Variants in GLOD4 observed in about 807,000 individuals in gnomAD.
GLOD4 encodes glyoxalase domain-containing protein 4.
A neutral mutation model predicts 39.1 loss-of-function variants in GLOD4; 44 were observed. The ratio of observed to expected loss-of-function variants is 1.13; its 90% CI spans 0.88 to 1.45. GLOD4 has a LOEUF of 1.45. Ranked by LOEUF, GLOD4 falls within the 40% of genes most tolerant of loss-of-function variation. The pLI, the probability that GLOD4 is intolerant of heterozygous loss-of-function variation, is 0.00. For synonymous variants in GLOD4, 145 were observed against 135.0 expected (o/e 1.07, Z -0.52); for missense variants, 405 against 366.4 (o/e 1.11, Z -0.86).
At chr17:775,056 C>T (rs1213662894) in intron 4 of GLOD4, among the ~76,000 whole-genome samples, 1 of 144,156 alleles carries the variant, frequency 6.9e-6, no homozygotes, top group Non-Finnish European at 1.5e-5. Context: ...GGCGACAGAG[C>T]AAGACTCCGT....
upstream of GLOD4, chr17:782,668 C>G: frequency 6.2e-7 from 1 of 1,606,976 alleles, no homozygotes; most frequent in South Asian, 1.1e-5. Flanking sequence ...TACGATAAAG[C>G]TTATCCCGGG....
chr17:772,806 T>C lies in GLOD4; in HGVS notation c.407-1345A>G, dbSNP rs1382305970. On this transcript the variant is annotated intron_variant, in intron 4 of 8. Transcript: ENST00000301329. ...GTCAGGAGATAGAGACCATCCTGGC[T>C]AACACGGTGAAACCCCGTCTCTACT... 3.9e-5 allele frequency among the ~76,000 whole-genome samples: 6 copies of C among 152,108 alleles called. No individual in the cohort carries two copies. In the East Asian group the frequency reaches 9.7e-4, roughly 24 times the overall value.
intron 4 of GLOD4, among the ~76,000 whole-genome samples, chr17:772,765 G>A (rs547791938): frequency 3.9e-5 from 6 of 152,190 alleles, no homozygotes; most frequent in Non-Finnish European, 8.8e-5. Flanking sequence ...GGAGGCTGAG[G>A]TGGCAGGATC....
chr17:783,258 A>C, upstream of GLOD4: 5 of 1,614,100 alleles, frequency 3.1e-6, no homozygotes, highest in Non-Finnish European at 4.2e-6. Flanking sequence ...GAAAGGTGTC[A>C]GCCTCATTAA....
chr17:781,010 T>C (rs1257128663), intron 1 of GLOD4, among the ~76,000 whole-genome samples: 1 of 141,202 alleles, frequency 7.1e-6, no homozygotes, highest in Non-Finnish European at 1.5e-5. Flanking sequence ...AACCTCCGCC[T>C]CCCAGATACA....
chr17:783,208 G>C, upstream of GLOD4: 1 of 1,614,110 alleles, frequency 6.2e-7, no homozygotes, highest in Non-Finnish European at 8.5e-7. Context: ...TTCTTCTTTA[G>C]CCGTCTAGAA....
At chr17:769,406 T>C (rs1907495868) in intron 8 of GLOD4, among the ~76,000 whole-genome samples, 1 of 146,448 alleles carries the variant, frequency 6.8e-6, no homozygotes, top group Non-Finnish European at 1.5e-5. Context: ...GGGGGTCGGA[T>C]GGAGGCATCT....
At chr17:768,177 C>T (rs1480651768) in intron 8 of GLOD4, among the ~76,000 whole-genome samples, 18 of 147,130 alleles carry the variant, frequency 1.2e-4, no homozygotes, top group African/African-American at 2.6e-4. Flanking sequence ...GAGAGAGAAA[C>T]GGCGCACACT....
intron 8 of GLOD4, chr17:764,210 C>G (rs1906043553): frequency 5.3e-5 from 8 of 152,208 alleles, no homozygotes; most frequent in Admixed American, 5.2e-4. Flanking sequence ...TCACTGGAGG[C>G]CAGCCTGGGC....
chr17:778,092 C>T (rs1909259762), intron 2 of GLOD4, among the ~76,000 whole-genome samples: 1 of 152,174 alleles, frequency 6.6e-6, no homozygotes, highest in Non-Finnish European at 1.5e-5. Flanking sequence ...CATGCCCTGC[C>T]CTGTGTATCT....
intron 8 of GLOD4, among the ~76,000 whole-genome samples, chr17:761,187 A>C (rs1905363293): frequency 6.6e-6 from 1 of 152,158 alleles, no homozygotes. Flanking sequence ...GTGTGTCTTG[A>C]AGCATTTGCT....
At chr17:781,577 C>T (rs771945115) in intron 1 of GLOD4, among the ~76,000 whole-genome samples, 16 of 152,156 alleles carry the variant, frequency 1.1e-4, no homozygotes, top group Admixed American at 3.3e-4. Context: ...TGTTCCCTAC[C>T]TCCCTGGCTT....
intron 8 of GLOD4, 44 bp from the exon 9 acceptor site, chr17:760,282 A>C: frequency 9.5e-7 from 1 of 1,051,034 alleles, no homozygotes; most frequent in Non-Finnish European, 1.5e-6. Context: ...AAGCCTGAAA[A>C]ACAAAAGACA....
At chr17:771,600 GCCCAT>G in intron 4 of GLOD4, 139 bp from the exon 5 acceptor site, 2 of 508,648 alleles carry the variant, frequency 3.9e-6, no homozygotes, top group South Asian at 6.2e-5. Flanking sequence ...GGGTGCAGCG[GCCCAT>G]GCCTGTAATG....
chr17:773,722 G>A (rs917438678), intron 4 of GLOD4, among the ~76,000 whole-genome samples: 4 of 152,176 alleles, frequency 2.6e-5, no homozygotes, highest in African/African-American at 9.6e-5. Flanking sequence ...CTGTTTGCTA[G>A]AACAGCAATA....
In GLOD4 at chr17:760,112, C is replaced by T. The variant is rs558366243; in HGVS notation, c.*61G>A. ...GAAGAGCATTTATTGGGAACTGACA[C>T]GTCAGGCCTCACAGGTGCTGGGCAG... On this transcript the variant is annotated 3_prime_UTR_variant, in exon 9 of 9. Coordinates refer to ENST00000301329, the MANE Select transcript of GLOD4 (RefSeq NM_016080.4). The T allele has an allele frequency of 4.0e-5, 37 of 926,648 alleles. No individual in the cohort carries two copies. In the African/African-American group the frequency reaches 4.5e-4, roughly 11 times the overall value. 57.4% of individuals were successfully genotyped at this position (926,648 alleles called of 1,614,324 possible).
chr17:767,544 G>A (rs60329730), intron 8 of GLOD4, among the ~76,000 whole-genome samples: 16 of 140,556 alleles, frequency 1.1e-4, no homozygotes, highest in African/African-American at 4.0e-4. Context: ...GAAGAAATCT[G>A]GAGAGGACGT....
chr17:769,443 T>A (rs1375633655), intron 8 of GLOD4, among the ~76,000 whole-genome samples: 1 of 140,210 alleles, frequency 7.1e-6, no homozygotes, highest in Non-Finnish European at 1.5e-5. Flanking sequence ...GGGGAACGGA[T>A]AGAGGCATCT....
chr17:761,103 AG>A (rs1212599104), intron 8 of GLOD4, among the ~76,000 whole-genome samples: 1 of 152,214 alleles, frequency 6.6e-6, no homozygotes, highest in African/African-American at 2.4e-5. Context: ...GGAAGCTTTG[AG>A]GAGTGTGCAG....
Sources: gnomAD v4.1 joint callset for allele counts (sites outside exome capture counted in the v4.1 genomes callset) on GRCh38, gnomAD v4.1.1 for gene constraint, MANE v1.5 for transcripts, NCBI Gene and HGNC (gene_info 2026-07-23, HGNC 2026-07-21) for gene names.